The following RFTN2 variants were observed in gnomAD, a reference collection of about 807,000 sequenced individuals.
RFTN2 encodes the protein raftlin family member 2.
A neutral mutation model predicts 52.7 loss-of-function variants in RFTN2; 34 were observed. The observed-to-expected ratio is 0.64, with a 90% CI of 0.49 to 0.86. The LOEUF (loss-of-function observed/expected upper bound fraction) is 0.86, where lower values mean the gene tolerates loss of function less well. Ranked by LOEUF, RFTN2 falls within the 40% of genes least tolerant of loss-of-function variation. The probability of loss-of-function intolerance (pLI) is 0.00; values close to 1 mark genes in which losing one functional copy is unlikely to be tolerated. For synonymous variants in RFTN2, 203 were observed against 217.7 expected, an observed-to-expected ratio of 0.93 and a Z score of 0.59; for missense variants, 536 against 600.1, an observed-to-expected ratio of 0.89 and a Z score of 1.12.
Position 197,570,960 on chromosome 2 carries a change from T to G in RFTN2, c.*1048A>C, listed in dbSNP as rs1375884108. ...GCCTTTCATAGATAAATGAAAATCC[T>G]TTATTTTGTAGAATTTTAAAGATTG... On this transcript the variant is annotated 3_prime_UTR_variant, in exon 9 of 9. Coordinates refer to ENST00000295049, the MANE Select transcript of RFTN2 (RefSeq NM_144629.3). 1 of 152,306 alleles carries G rather than the reference T, an allele frequency of 6.6e-6. No homozygotes were observed. The highest frequency in any genetic ancestry group is 1.5e-5 in the Non-Finnish European group (1 of 68,032). The allele number at this position is 152,306 out of a possible 1,614,324, so 9.4% of individuals were successfully genotyped here.
chr2:197,628,340 C>T (rs1038784702), intron 5 of RFTN2, among the ~76,000 whole-genome samples: 12 of 152,026 alleles, frequency 7.9e-5, no homozygotes, highest in Non-Finnish European at 1.3e-4. Context: ...ATTCTGCACC[C>T]CCGTCTCCGT....
chr2:197,573,460 T>G (rs2087352243), intron 8 of RFTN2, among the ~76,000 whole-genome samples: 1 of 152,184 alleles, frequency 6.6e-6, no homozygotes, highest in Non-Finnish European at 1.5e-5. Context: ...CAGAAAAAAT[T>G]TCTAAGCAGC....
In RFTN2 at chr2:197,667,813, C is replaced by A. The variant is rs1376466802; in HGVS notation, c.139+7507G>T. On this transcript the variant is annotated intron_variant, in intron 1 of 8. Transcript: ENST00000295049. ...ATGCCAGGTAGGCCAGTCTTTGGGC[C>A]CCAGTGGTGGCAGCAGTGGGTTGAG... 2.0e-5 allele frequency among the ~76,000 whole-genome samples: 3 copies of A among 152,088 alleles called. No individual in the cohort carries two copies. The South Asian group carries it at 6.2e-4, about 32-fold the overall frequency.
intron 7 of RFTN2, among the ~76,000 whole-genome samples, chr2:197,597,622 G>T (rs112948622): frequency 1.3e-5 from 2 of 152,078 alleles, no homozygotes; most frequent in East Asian, 3.9e-4. Flanking sequence ...GGGTTCAAGT[G>T]ATTCTCCTCC....
intron 7 of RFTN2, among the ~76,000 whole-genome samples, chr2:197,602,784 C>T (rs377048494): frequency 5.3e-5 from 8 of 152,104 alleles, no homozygotes; most frequent in South Asian, 2.1e-4. Context: ...GTATGTTTAT[C>T]GCGGCACTAT....
chr2:197,637,484 G>A (rs989585575), intron 3 of RFTN2, among the ~76,000 whole-genome samples: 6 of 152,128 alleles, frequency 3.9e-5, no homozygotes, highest in African/African-American at 1.4e-4. Flanking sequence ...TGTATGTGTT[G>A]AGGAATTTAT....
chr2:197,658,475 T>TG (rs1470755301), intron 1 of RFTN2, among the ~76,000 whole-genome samples: 1 of 145,712 alleles, frequency 6.9e-6, no homozygotes, highest in African/African-American at 2.5e-5. Flanking sequence ...TTGGCAGAGG[T>TG]GGGGTTTCTC....
chr2:197,630,880 G>T, intron 5 of RFTN2, 131 bp downstream of exon 5: 2 of 679,322 alleles, frequency 2.9e-6, no homozygotes, highest in Non-Finnish European at 5.2e-6. Flanking sequence ...CTGTGTAACA[G>T]CTGGAATTTA....
chr2:197,616,057 T>C (rs1219961886), intron 6 of RFTN2, 78 bp from the exon 7 acceptor site: 1 of 825,614 alleles, frequency 1.2e-6, no homozygotes, highest in East Asian at 2.7e-5. Flanking sequence ...GGGTGATGCG[T>C]GTTAGGATGA....
At chr2:197,586,778 C>T (rs181045367) in intron 8 of RFTN2, among the ~76,000 whole-genome samples, 1 of 152,236 alleles carries the variant, frequency 6.6e-6, no homozygotes, top group Non-Finnish European at 1.5e-5. Context: ...TCCTTCAGGC[C>T]CAAGTGACTC....
At chr2:197,591,849 C>T (rs1282777252) in intron 8 of RFTN2, among the ~76,000 whole-genome samples, 10 of 151,890 alleles carry the variant, frequency 6.6e-5, no homozygotes, top group South Asian at 4.2e-4. Flanking sequence ...GTGGGCCCAC[C>T]GAGCCCACGC....
chr2:197,604,381 A>G (rs1330670360), intron 7 of RFTN2, among the ~76,000 whole-genome samples: 1 of 152,270 alleles, frequency 6.6e-6, no homozygotes, highest in Non-Finnish European at 1.5e-5. Context: ...GGACACATAC[A>G]TAGTAGAATG....
chr2:197,667,268 G>C (rs2089075376), intron 1 of RFTN2, among the ~76,000 whole-genome samples: 1 of 152,142 alleles, frequency 6.6e-6, no homozygotes, highest in South Asian at 2.1e-4. Flanking sequence ...TTACAGACAT[G>C]AGCCATGGCA....
rs1036933754 is a variant in RFTN2 at position 197,615,882 on chromosome 2, T to C, written c.1148A>G (p.His383Arg). The C allele has an allele frequency of 2.6e-6, 4 of 1,538,480 alleles. No homozygotes were observed. The highest frequency in any genetic ancestry group is 2.7e-5 in the African/African-American group (2 of 72,870). Reference protein sequence around the residue: ...TSVLPTPVLRHDSEGNLATKQ... With the variant: ...TSVLPTPVLRRDSEGNLATKQ... ...AAGGATACTTTTGCCTTACCTGTCA[T>C]GTCTCAATACAGGTGTGGGCAACAC... Residue 383 changes from histidine to arginine, a missense_variant, in exon 7 of 9, where the codon CAT (histidine) becomes CGT (arginine). Transcript: ENST00000295049.
chr2:197,668,950 A>G (rs59151380), intron 1 of RFTN2, among the ~76,000 whole-genome samples: 2,615 of 152,206 alleles, frequency 0.017, 74 homozygotes, highest in African/African-American at 0.06. Flanking sequence ...CTTTCCCCAT[A>G]CTGGGGAGTC....
At chr2:197,616,079 T>C in intron 6 of RFTN2, 100 bp from the exon 7 acceptor site, 1 of 656,324 alleles carries the variant, frequency 1.5e-6, no homozygotes, top group Non-Finnish European at 2.7e-6. Context: ...GGGAGTTCAC[T>C]TTCATCCGCT....
At chr2:197,669,849 C>T (rs1032053190) in intron 1 of RFTN2, among the ~76,000 whole-genome samples, 1 of 152,202 alleles carries the variant, frequency 6.6e-6, no homozygotes, top group Non-Finnish European at 1.5e-5. Flanking sequence ...ATAGCCAGCA[C>T]TTCAGAAGCC....
chr2:197,613,329 T>G (rs895068460), intron 7 of RFTN2, among the ~76,000 whole-genome samples: 1 of 152,228 alleles, frequency 6.6e-6, no homozygotes, highest in Non-Finnish European at 1.5e-5. Flanking sequence ...GATAATCCAC[T>G]AAAGTTGATA....
intron 5 of RFTN2, among the ~76,000 whole-genome samples, chr2:197,622,560 C>A (rs1298813638): frequency 6.6e-6 from 1 of 152,168 alleles, no homozygotes; most frequent in Non-Finnish European, 1.5e-5. Flanking sequence ...ACCTCCTCAG[C>A]CTCCCGAAGT....
Sources: allele counts gnomAD v4.1 joint callset (sites outside exome capture counted in the v4.1 genomes callset), GRCh38; gene constraint gnomAD v4.1.1; transcripts MANE v1.5; gene names NCBI Gene and HGNC (gene_info 2026-07-23, HGNC 2026-07-21).